The following PSMD11 variants were observed in gnomAD, a reference collection of about 807,000 sequenced individuals.
PSMD11 encodes 26S proteasome non-ATPase regulatory subunit 11.
A neutral mutation model predicts 62.3 loss-of-function variants in PSMD11; 5 were observed. The ratio of observed to expected loss-of-function variants is 0.08; its 90% CI spans 0.04 to 0.17. The LOEUF (loss-of-function observed/expected upper bound fraction) is 0.17, where lower values mean the gene tolerates loss of function less well. PSMD11 is among the 10% of genes least tolerant of loss of function. The pLI, the probability that PSMD11 is intolerant of heterozygous loss-of-function variation, is 1.00. For synonymous variants in PSMD11, 191 were observed against 191.8 expected (o/e 1.00, Z 0.03); for missense variants, 310 against 512.9 (o/e 0.60, Z 3.82).
At chr17:32,477,637 A>G (rs1908367740) in intron 9 of PSMD11, 54 bp downstream of exon 9, 2 of 1,449,012 alleles carry the variant, frequency 1.4e-6, no homozygotes, top group East Asian at 4.6e-5. Flanking sequence ...GGGACGTTTA[A>G]GTACTTCAAA....
At chr17:32,467,683 C>G (rs903154946) in intron 5 of PSMD11, among the ~76,000 whole-genome samples, 5 of 152,240 alleles carry the variant, frequency 3.3e-5, no homozygotes, top group Non-Finnish European at 7.3e-5. Context: ...GCAGTCATAG[C>G]TCACTGCAGC....
chr17:32,464,568 A>C lies in PSMD11; in HGVS notation c.438A>C (p.Ala146=), dbSNP rs1597837097. Residue 146 remains alanine (A), a synonymous_variant, in exon 5 of 14, where the codon GCA becomes GCC. Transcript: ENST00000261712. ...LYFDTKRYQE[A]LHLGSQLLRE... Reference sequence around the variant, plus strand: ...TTGATACCAAGAGGTACCAGGAAGCATTGCATTTGGGTAAGTAAGCTGGTA... The same window carrying C: ...TTGATACCAAGAGGTACCAGGAAGCCTTGCATTTGGGTAAGTAAGCTGGTA... 2 of 1,608,898 alleles carry C rather than the reference A, an allele frequency of 1.2e-6. No homozygotes were observed.
In PSMD11 at chr17:32,468,865, G is replaced by A. The variant is rs149701375; in HGVS notation, c.449-134G>A. Reference sequence around the variant, plus strand: ...GTGGAAAATTTAATTATTGCATGGGGTCTAGAGGTAACCTTTTTTGAGTTC... The same window carrying A: ...GTGGAAAATTTAATTATTGCATGGGATCTAGAGGTAACCTTTTTTGAGTTC... On this transcript the variant is annotated intron_variant, in intron 5 of 13. Coordinates refer to ENST00000261712, the MANE Select transcript of PSMD11 (RefSeq NM_002815.4). 3 of 763,912 alleles carry A rather than the reference G, an allele frequency of 3.9e-6. No homozygotes were observed. In the African/African-American group the frequency reaches 5.4e-5, roughly 14 times the overall value. 47.3% of individuals were successfully genotyped at this position (763,912 alleles called of 1,614,324 possible).
chr17:32,479,995 G>A, intron 11 of PSMD11, 109 bp downstream of exon 11: 1 of 1,497,610 alleles, frequency 6.7e-7, no homozygotes, highest in Non-Finnish European at 9.3e-7. Context: ...TTCTCAGTGG[G>A]GAATGGGCAG....
intron 3 of PSMD11, among the ~76,000 whole-genome samples, chr17:32,456,750 C>G (rs1597833214): frequency 6.6e-6 from 1 of 152,208 alleles, no homozygotes; most frequent in African/African-American, 2.4e-5. Flanking sequence ...TCAGGATGGT[C>G]TTGATCTCCT....
chr17:32,460,294 C>G (rs1295525039), intron 3 of PSMD11, among the ~76,000 whole-genome samples: 1 of 152,048 alleles, frequency 6.6e-6, no homozygotes, highest in African/African-American at 2.4e-5. Flanking sequence ...CTCCTGGCCT[C>G]AAGTGATCTG....
intron 1 of PSMD11, 116 bp downstream of exon 1, chr17:32,444,730 AGGGGG>A (rs1354603742): frequency 2.3e-6 from 3 of 1,326,452 alleles, no homozygotes; most frequent in Non-Finnish European, 3.1e-6. Context: ...TCACTGTGTG[AGGGGG>A]GCCGGGCCGG....
Position 32,464,167 on chromosome 17 carries a change from G to C in PSMD11, c.390+47G>C, listed in dbSNP as rs1047031015. 7 of 1,507,286 alleles carry C rather than the reference G, an allele frequency of 4.6e-6. No homozygotes were observed. In the African/African-American group the frequency reaches 9.7e-5, roughly 21 times the overall value. 93.4% of individuals were successfully genotyped at this position (1,507,286 alleles called of 1,614,324 possible). A position where few individuals can be genotyped will look rare whatever the true frequency, so the allele number is the denominator to read the frequency against. ...ATTTCAGGTCTCTAAGCATGAGACA[G>C]AGGGTGAATGTAAGCAGTACCATCC... On this transcript the variant is annotated intron_variant, in intron 4 of 13. Transcript: ENST00000261712.
Position 32,469,236 on chromosome 17 carries a change from C to T in PSMD11, c.643+43C>T, listed in dbSNP as rs367782039. Reference sequence around the variant, plus strand: ...TCCTGGGATGTGTTTTCTTAAAGCTCATCTTATTTTATAGGTGGAAGGAAT... The same window carrying T: ...TCCTGGGATGTGTTTTCTTAAAGCTTATCTTATTTTATAGGTGGAAGGAAT... On this transcript the variant is annotated intron_variant, in intron 6 of 13. Transcript: ENST00000261712. The T allele has an allele frequency of 2.5e-6, 4 of 1,569,632 alleles. No individual in the cohort carries two copies. In the African/African-American group the frequency reaches 5.4e-5, roughly 21 times the overall value.
chr17:32,473,583 T>C (rs75139217), intron 6 of PSMD11, among the ~76,000 whole-genome samples: 1 of 143,376 alleles, frequency 7.0e-6, no homozygotes, highest in Non-Finnish European at 1.5e-5. Context: ...GTGCCCAGCA[T>C]TTTTTTTTTT....
chr17:32,456,429 A>G (rs1281048712), intron 3 of PSMD11, among the ~76,000 whole-genome samples: 1 of 151,088 alleles, frequency 6.6e-6, no homozygotes, highest in African/African-American at 2.4e-5. Flanking sequence ...CTGGAGTGCA[A>G]TGGCGTGATC....
At chr17:32,456,724 G>A (rs1454923472) in intron 3 of PSMD11, among the ~76,000 whole-genome samples, 6 of 152,220 alleles carry the variant, frequency 3.9e-5, no homozygotes, top group African/African-American at 1.2e-4. Context: ...GGAGAGATGG[G>A]GTTTCACAGT....
At position 32,460,999 on chromosome 17, in the gene PSMD11, C is replaced by G. The variant is rs549963620; in HGVS notation, c.319-3050C>G. 3.9e-4 allele frequency among the ~76,000 whole-genome samples: 60 copies of G among 152,200 alleles called. 2 individuals carry two copies. The South Asian group carries it at 0.012, about 31-fold the overall frequency. ...CCAGACTCTTGCCAAATAGTGAACT[C>G]AACTTTCCTTCCAGGGATCTCTGGG... On this transcript the variant is annotated intron_variant, in intron 3 of 13. Transcript: ENST00000261712.
intron 9 of PSMD11, 32 bp from the exon 10 acceptor site, chr17:32,479,219 G>T (rs1256018086): frequency 2.5e-6 from 4 of 1,610,916 alleles, no homozygotes; most frequent in Non-Finnish European, 2.5e-6. Context: ...GTGATTCTCT[G>T]TGCCAATCTC....
chr17:32,450,274 A>C (rs1197608592), intron 2 of PSMD11, among the ~76,000 whole-genome samples: 1 of 146,260 alleles, frequency 6.8e-6, no homozygotes. Flanking sequence ...TTTTTTTTTG[A>C]GACCGAGTTT....
At chr17:32,477,131 C>G (rs2150839970) in intron 8 of PSMD11, 1 of 167,100 alleles carries the variant, frequency 6.0e-6, no homozygotes, top group African/African-American at 2.4e-5. Context: ...TGATAAAGCA[C>G]AGATATAATA....
At chr17:32,457,562 G>A (rs1245864104) in intron 3 of PSMD11, among the ~76,000 whole-genome samples, 1 of 152,112 alleles carries the variant, frequency 6.6e-6, no homozygotes. Flanking sequence ...ATGGTTAGCA[G>A]CTTTGCTTTT....
At chr17:32,463,926 C>A in intron 3 of PSMD11, 123 bp from the exon 4 acceptor site, 1 of 876,914 alleles carries the variant, frequency 1.1e-6, no homozygotes, top group Admixed American at 1.8e-5. Flanking sequence ...TACTGTGGAT[C>A]AGACACTAAA....
At position 32,469,015 on chromosome 17, in the gene PSMD11, G is replaced by A. The variant is rs763214841; in HGVS notation, c.465G>A (p.Arg155=). The part of the protein sequence containing the change: ...EALHLGSQLL[R]ELKKMDDKAL... ...CTTTTTCAGGTTCTCAGCTGCTGCGGGAGTTGAAAAAGATGGACGACAAAG... is the reference window on the plus strand; with the variant it reads ...CTTTTTCAGGTTCTCAGCTGCTGCGAGAGTTGAAAAAGATGGACGACAAAG... The change falls in exon 6 of 14, where the codon CGG becomes CGA. Residue 155 remains arginine, a synonymous_variant. Coordinates refer to ENST00000261712, the MANE Select transcript of PSMD11 (RefSeq NM_002815.4). 2.5e-6 allele frequency: 4 copies of A among 1,613,822 alleles called. No homozygotes were observed. In the Admixed American group the frequency reaches 6.7e-5, roughly 27 times the overall value.
Sources: allele counts gnomAD v4.1 joint callset (sites outside exome capture counted in the v4.1 genomes callset), GRCh38; gene constraint gnomAD v4.1.1; transcripts MANE v1.5; gene names NCBI Gene and HGNC (gene_info 2026-07-23, HGNC 2026-07-21).